The following CD2AP variants were observed in gnomAD, a reference collection of about 807,000 sequenced individuals.
The protein encoded by CD2AP is CD2 associated protein, also known as CD2-associated protein.
Under a neutral mutation model 85.1 loss-of-function variants are expected in CD2AP, and 46 were observed. That is an observed-to-expected ratio of 0.54 (90% CI 0.43 to 0.69). CD2AP has a LOEUF of 0.69. CD2AP is among the 30% of genes least tolerant of loss of function. The probability of loss-of-function intolerance (pLI) is 0.00; values close to 1 mark genes in which losing one functional copy is unlikely to be tolerated. For missense variants in CD2AP, 769 were observed against 729.5 expected (o/e 1.05, Z -0.62); for synonymous variants, 255 against 252.9 (o/e 1.01, Z -0.08).
chr6:47,594,584 A>G (rs2114128579), intron 11 of CD2AP, among the ~76,000 whole-genome samples: 1 of 152,080 alleles, frequency 6.6e-6, no homozygotes, highest in Non-Finnish European at 1.5e-5. Flanking sequence ...TAGAAATTTA[A>G]GTTTGGCTGG....
In CD2AP at chr6:47,625,161, T is replaced by C. The variant is rs572996510; in HGVS notation, c.*934T>C. The C allele has an allele frequency of 6.6e-6, 1 of 152,054 alleles. No individual in the cohort carries two copies. Among genetic ancestry groups the C allele is most frequent in the East Asian group, 1.9e-4 (1 of 5,186 alleles). The allele number at this position is 152,054 out of a possible 1,614,324, so 9.4% of individuals were successfully genotyped here. On this transcript the variant is annotated 3_prime_UTR_variant, in exon 18 of 18. Coordinates refer to ENST00000359314, the MANE Select transcript of CD2AP (RefSeq NM_012120.3). ...TATTTCTCATTATCTTGTCACTTAGTTCTTCATGTTTCTCCTTCTGACTTT... is the reference window on the plus strand; with the variant it reads ...TATTTCTCATTATCTTGTCACTTAGCTCTTCATGTTTCTCCTTCTGACTTT...
intron 6 of CD2AP, 44 bp downstream of exon 6, chr6:47,574,295 A>C: frequency 2.0e-6 from 3 of 1,532,906 alleles, no homozygotes; most frequent in Non-Finnish European, 2.7e-6. Flanking sequence ...TCATTCTCTC[A>C]TTAAGCATTT....
chr6:47,609,264 G>C lies in CD2AP; in HGVS notation c.1774G>C (p.Glu592Gln). ...SLDELRAQII[E>Q]LLCIVEALKK... ...GGATGAACTTAGAGCCCAGATTATT[G>C]AATTGTTGTGCATTGTAGAAGCACT... Residue 592 changes from glutamate (E) to glutamine (Q), a missense_variant, in exon 16 of 18, where the codon GAA (glutamate) becomes CAA (glutamine). Glu to Gln is a conservative substitution (Grantham distance 29). Coordinates refer to ENST00000359314, the MANE Select transcript of CD2AP (RefSeq NM_012120.3). 1 of 1,613,654 alleles carries C rather than the reference G, an allele frequency of 6.2e-7. No homozygotes were observed. The highest frequency in any genetic ancestry group is 8.5e-7 in the Non-Finnish European group (1 of 1,179,818).
intron 11 of CD2AP, among the ~76,000 whole-genome samples, chr6:47,587,413 T>G (rs1256618232): frequency 6.9e-6 from 1 of 144,980 alleles, no homozygotes. Context: ...CTCAAATGTT[T>G]AGATAGGTGA....
intron 5 of CD2AP, among the ~76,000 whole-genome samples, chr6:47,556,055 C>CTTTTTTTTTTT (rs75174694): frequency 1.5e-5 from 2 of 129,966 alleles, no homozygotes; most frequent in Non-Finnish European, 1.7e-5. Flanking sequence ...TTTTCCTTTT[C>CTTTTTTTTTTT]TTTTTTTTTT....
intron 1 of CD2AP, among the ~76,000 whole-genome samples, chr6:47,494,314 A>G (rs1765802185): frequency 1.3e-5 from 2 of 152,222 alleles, no homozygotes; most frequent in African/African-American, 2.4e-5. Flanking sequence ...GGTTTCCCTA[A>G]GAACTCTTTC....
Position 47,504,420 on chromosome 6 carries a change from A to G in CD2AP, c.165+980A>G, listed in dbSNP as rs77407124. Among the ~76,000 whole-genome samples, 1,199 of 152,324 alleles carry G rather than the reference A, an allele frequency of 7.9e-3. 13 individuals are homozygous for G. The highest frequency in any genetic ancestry group is 0.027 in the African/African-American group (1,119 of 41,568). On this transcript the variant is annotated intron_variant, in intron 2 of 17. Coordinates refer to ENST00000359314, the MANE Select transcript of CD2AP (RefSeq NM_012120.3). ...TTCACCTCCAAGTATGAAAACATAC[A>G]GTTGTCTCAGTATCCAGGAAACACC...
chr6:47,478,281 C>T (rs1045399531), intron 1 of CD2AP, 33 bp downstream of exon 1: 11 of 1,566,576 alleles, frequency 7.0e-6, no homozygotes, highest in Non-Finnish European at 9.5e-6. Flanking sequence ...GCCGCCCGTC[C>T]GGACCTTCCA....
chr6:47,608,988 C>T (rs1275814165), intron 15 of CD2AP, 135 bp from the exon 16 acceptor site: 6 of 608,426 alleles, frequency 9.9e-6, no homozygotes. Context: ...CAGTTGTGAA[C>T]ATCAAATTGC....
In CD2AP at chr6:47,574,190, G is replaced by A; in HGVS notation, c.668G>A (p.Gly223Asp). Residue 223 changes from glycine to aspartate, a missense_variant, in exon 6 of 18, where the codon GGC becomes GAC. By Grantham distance (94) the Gly-to-Asp change is moderately conservative. Coordinates refer to ENST00000359314, the MANE Select transcript of CD2AP (RefSeq NM_012120.3). ...GIGFGDIFKE[G>D]SVKLRTRTSS... ...GGATTTGGAGACATTTTTAAAGAAG[G>A]CTCTGTGAAACTTCGGACAAGAACA... is the stretch of plus-strand genomic sequence containing the variant. 6.2e-7 allele frequency: 1 copy of A among 1,614,012 alleles called. No homozygotes were observed. Among genetic ancestry groups the A allele is most frequent in the Non-Finnish European group, 8.5e-7 (1 of 1,179,952 alleles).
chr6:47,534,047 TTTATTTAG>T (rs1318840308), intron 3 of CD2AP, among the ~76,000 whole-genome samples: 1 of 152,234 alleles, frequency 6.6e-6, no homozygotes. Flanking sequence ...TTTAATACCA[TTTATTTAG>T]TGGGATTCTG....
chr6:47,550,168 A>G (rs1767474348), intron 4 of CD2AP, among the ~76,000 whole-genome samples: 1 of 152,228 alleles, frequency 6.6e-6, no homozygotes, highest in Admixed American at 6.5e-5. Context: ...TTTGTGACCA[A>G]GAACCCAAAA....
intron 1 of CD2AP, among the ~76,000 whole-genome samples, chr6:47,500,427 C>A (rs1182910337): frequency 2.0e-5 from 3 of 152,046 alleles, no homozygotes; most frequent in Non-Finnish European, 4.4e-5. Context: ...GCTGTGCATC[C>A]CCTTTCAGAC....
chr6:47,597,196 A>G (rs1363797851), intron 12 of CD2AP, among the ~76,000 whole-genome samples: 2 of 150,858 alleles, frequency 1.3e-5, no homozygotes, highest in Admixed American at 1.3e-4. Flanking sequence ...TGGCAAACCA[A>G]GGGCTCTTAG....
chr6:47,562,319 A>G (rs1360544788), intron 5 of CD2AP, among the ~76,000 whole-genome samples: 1 of 152,196 alleles, frequency 6.6e-6, no homozygotes, highest in Non-Finnish European at 1.5e-5. Context: ...AATTTTAGAA[A>G]GTGACAGGAA....
chr6:47,527,929 A>C (rs1420591598), intron 2 of CD2AP, among the ~76,000 whole-genome samples: 1 of 152,168 alleles, frequency 6.6e-6, no homozygotes, highest in Admixed American at 6.5e-5. Flanking sequence ...TTTGGTTCAT[A>C]CCTGTAAATA....
chr6:47,493,309 T>C (rs1046533108), intron 1 of CD2AP, among the ~76,000 whole-genome samples: 2 of 151,616 alleles, frequency 1.3e-5, no homozygotes, highest in African/African-American at 4.8e-5. Context: ...TATTTCTCTT[T>C]CCCTTTTAAG....
intron 2 of CD2AP, among the ~76,000 whole-genome samples, chr6:47,522,048 A>C (rs2114007764): frequency 6.6e-6 from 1 of 152,124 alleles, no homozygotes; most frequent in African/African-American, 2.4e-5. Context: ...AACCTAACAG[A>C]GCAAGTGACT....
intron 2 of CD2AP, among the ~76,000 whole-genome samples, chr6:47,505,282 C>T (rs1372589418): frequency 2.0e-5 from 3 of 147,846 alleles, no homozygotes; most frequent in Admixed American, 6.8e-5. Context: ...CATCTTGCAC[C>T]GCCCTTAATC....
Sources: allele counts gnomAD v4.1 joint callset (sites outside exome capture counted in the v4.1 genomes callset), GRCh38; gene constraint gnomAD v4.1.1; transcripts MANE v1.5; gene names NCBI Gene and HGNC (gene_info 2026-07-23, HGNC 2026-07-21).